The following SMAD3 variants were observed in gnomAD, a reference collection of about 807,000 sequenced individuals.
SMAD3 encodes SMAD family member 3.
SMAD3 carries 12 observed loss-of-function variants against 51.8 expected under a neutral mutation model. That is an observed-to-expected ratio of 0.23 (90% CI 0.15 to 0.38). The LOEUF is 0.38. Ranked by LOEUF, SMAD3 falls within the 10% of genes least tolerant of loss-of-function variation. The probability of loss-of-function intolerance (pLI) is 1.00; values close to 1 mark genes in which losing one functional copy is unlikely to be tolerated. For synonymous variants in SMAD3, 238 were observed against 227.7 expected, an observed-to-expected ratio of 1.05 and a Z score of -0.41; for missense variants, 294 against 565.6, an observed-to-expected ratio of 0.52 and a Z score of 4.87.
intron 1 of SMAD3, among the ~76,000 whole-genome samples, chr15:67,084,828 G>T (rs777987192): frequency 6.6e-6 from 1 of 152,182 alleles, no homozygotes; most frequent in Admixed American, 6.5e-5. Context: ...TAAAAATACA[G>T]GAAGGAAGGG....
chr15:67,112,873 C>T (rs1961048163), intron 1 of SMAD3, among the ~76,000 whole-genome samples: 1 of 130,054 alleles, frequency 7.7e-6, no homozygotes, highest in African/African-American at 3.1e-5. Flanking sequence ...ATCCAGATGT[C>T]CATGCACTGT....
intron 1 of SMAD3, among the ~76,000 whole-genome samples, chr15:67,102,246 A>ATGTGTGTG (rs1960775020): frequency 5.1e-5 from 1 of 19,592 alleles, no homozygotes; most frequent in African/African-American, 1.2e-4. Context: ...AATGCTGTGA[A>ATGTGTGTG]AGTGTGTGTG....
chr15:67,100,087 A>G (rs1261145880), intron 1 of SMAD3, among the ~76,000 whole-genome samples: 2 of 150,966 alleles, frequency 1.3e-5, no homozygotes, highest in Admixed American at 1.3e-4. Context: ...AGGCTGAGGC[A>G]GGAGAATTGC....
chr15:67,185,801 G>A (rs775775753), intron 7 of SMAD3, among the ~76,000 whole-genome samples: 6 of 152,210 alleles, frequency 3.9e-5, no homozygotes, highest in Non-Finnish European at 7.3e-5. Context: ...TTCACAGGAC[G>A]TGCAGCCACT....
At chr15:67,164,316 G>GAAAA (rs59880604) in intron 1 of SMAD3, among the ~76,000 whole-genome samples, 34 of 83,642 alleles carry the variant, frequency 4.1e-4, no homozygotes, top group Admixed American at 5.7e-4. Context: ...CTCCGTCTCA[G>GAAAA]AAAAAAAAAA....
At chr15:67,071,614 AT>A (rs1960055092) in intron 1 of SMAD3, among the ~76,000 whole-genome samples, 1 of 152,184 alleles carries the variant, frequency 6.6e-6, no homozygotes, top group Admixed American at 6.5e-5. Context: ...GATCACAACC[AT>A]TCTGGCTAAC....
At chr15:67,079,048 G>A (rs1354502888) in intron 1 of SMAD3, among the ~76,000 whole-genome samples, 1 of 151,366 alleles carries the variant, frequency 6.6e-6, no homozygotes, top group Admixed American at 6.6e-5. Context: ...GCGTGATCTT[G>A]GCTCACGGCA....
chr15:67,163,218 C>T (rs1280905816), intron 1 of SMAD3, among the ~76,000 whole-genome samples: 1 of 152,144 alleles, frequency 6.6e-6, no homozygotes, highest in Non-Finnish European at 1.5e-5. Flanking sequence ...AAGCGATCCA[C>T]CCGCCTCGGC....
At chr15:67,150,386 T>A (rs1483397092) in intron 1 of SMAD3, among the ~76,000 whole-genome samples, 1 of 152,206 alleles carries the variant, frequency 6.6e-6, no homozygotes, top group African/African-American at 2.4e-5. Flanking sequence ...TTGGAAACTT[T>A]AAGATTTGTT....
intron 1 of SMAD3, among the ~76,000 whole-genome samples, chr15:67,118,893 A>G (rs1961195592): frequency 6.6e-6 from 1 of 152,142 alleles, no homozygotes; most frequent in African/African-American, 2.4e-5. Context: ...CCCCTGTTGT[A>G]CCTAGCACAG....
intron 1 of SMAD3, among the ~76,000 whole-genome samples, chr15:67,082,116 A>G (rs1360370841): frequency 1.9e-5 from 2 of 105,788 alleles, no homozygotes; most frequent in African/African-American, 3.7e-5. Flanking sequence ...GTCTGCCCTC[A>G]TGGAGCTTGC....
At chr15:67,075,471 C>G (rs1960147802) in intron 1 of SMAD3, among the ~76,000 whole-genome samples, 1 of 152,130 alleles carries the variant, frequency 6.6e-6, no homozygotes, top group African/African-American at 2.4e-5. Flanking sequence ...CACAGTTGGG[C>G]AGAAAGAGCA....
rs886051416 is a variant in SMAD3 at position 67,192,989 on chromosome 15, C to G, written c.*2453C>G. 3 of 233,008 alleles carry G rather than the reference C, an allele frequency of 1.3e-5. No homozygotes were observed. The highest frequency in any genetic ancestry group is 2.2e-5 in the African/African-American group (1 of 45,284). 14.4% of individuals were successfully genotyped at this position (233,008 alleles called of 1,614,324 possible). A position where few individuals can be genotyped will look rare whatever the true frequency, so the allele number is the denominator to read the frequency against. On this transcript the variant is annotated 3_prime_UTR_variant, in exon 9 of 9. Coordinates refer to ENST00000327367, the MANE Select transcript of SMAD3 (RefSeq NM_005902.4). Reference sequence around the variant, plus strand: ...GGATGTGTGGGATTGTAGGCAAACCCACCTGTGGCATCACTGAAAATAAAT... The same window carrying G: ...GGATGTGTGGGATTGTAGGCAAACCGACCTGTGGCATCACTGAAAATAAAT...
chr15:67,137,969 T>G, intron 1 of SMAD3: 2 of 1,286,912 alleles, frequency 1.6e-6, no homozygotes, highest in South Asian at 2.5e-5. Flanking sequence ...AAGGGCTGTA[T>G]TGTCCTTATC....
intron 6 of SMAD3, among the ~76,000 whole-genome samples, chr15:67,181,655 C>G (rs1360816689): frequency 6.6e-6 from 1 of 152,074 alleles, no homozygotes; most frequent in East Asian, 1.9e-4. Context: ...AGGGGCCAGA[C>G]AGGTAGTGTT....
chr15:67,142,334 C>T (rs1386214184), intron 1 of SMAD3, among the ~76,000 whole-genome samples: 1 of 151,682 alleles, frequency 6.6e-6, no homozygotes, highest in Non-Finnish European at 1.5e-5. Flanking sequence ...CCATGGTTTG[C>T]GTGGAATTGT....
intron 1 of SMAD3, among the ~76,000 whole-genome samples, chr15:67,142,424 G>A (rs1284871110): frequency 6.6e-6 from 1 of 152,100 alleles, no homozygotes; most frequent in Non-Finnish European, 1.5e-5. Flanking sequence ...AATCACCAAT[G>A]GGTTGGAAAG....
At chr15:67,175,250 C>T (rs1237849875) in intron 5 of SMAD3, among the ~76,000 whole-genome samples, 1 of 152,114 alleles carries the variant, frequency 6.6e-6, no homozygotes, top group Non-Finnish European at 1.5e-5. Flanking sequence ...CCAGGGAGAG[C>T]CCTGAGGGAG....
At chr15:67,140,840 G>A (rs1016786262) in intron 1 of SMAD3, among the ~76,000 whole-genome samples, 2 of 152,128 alleles carry the variant, frequency 1.3e-5, no homozygotes, top group African/African-American at 2.4e-5. Flanking sequence ...GGGGCCAGGT[G>A]TAAGGAAACG....
Sources: gnomAD v4.1 joint callset for allele counts (sites outside exome capture counted in the v4.1 genomes callset) on GRCh38, gnomAD v4.1.1 for gene constraint, MANE v1.5 for transcripts, NCBI Gene and HGNC (gene_info 2026-07-23, HGNC 2026-07-21) for gene names.